Variants in HFM1 observed in about 807,000 individuals in gnomAD.
The protein encoded by HFM1 is probable ATP-dependent DNA helicase HFM1.
Under a neutral mutation model 192.1 loss-of-function variants are expected in HFM1, and 169 were observed. The ratio of observed to expected loss-of-function variants is 0.88; its 90% confidence interval spans 0.78 to 1.00. The LOEUF (loss-of-function observed/expected upper bound fraction) is 1.00, where lower values mean the gene tolerates loss of function less well. Ranked by LOEUF, HFM1 falls within the 50% of genes least tolerant of loss-of-function variation. The pLI, the probability that HFM1 is intolerant of heterozygous loss-of-function variation, is 0.00. For synonymous variants in HFM1, 525 were observed against 537.8 expected (o/e 0.98, Z 0.33); for missense variants, 1,661 against 1,668.0 (o/e 1.00, Z 0.07).
At chr1:91,407,359 A>C (rs1364710953), upstream of HFM1, among the ~76,000 whole-genome samples, 1 of 152,180 alleles carries the variant, frequency 6.6e-6, no homozygotes, top group Non-Finnish European at 1.5e-5. Flanking sequence ...AGTATAAGAA[A>C]AAAAAAAAGA....
At chr1:91,367,387 G>A (rs538102034) in intron 13 of HFM1, among the ~76,000 whole-genome samples, 1 of 152,256 alleles carries the variant, frequency 6.6e-6, no homozygotes, top group Admixed American at 6.5e-5. Context: ...ACACAGCTGG[G>A]TACTCCTCTG....
chr1:91,298,907 C>A (rs1648169878), intron 30 of HFM1, among the ~76,000 whole-genome samples: 1 of 152,174 alleles, frequency 6.6e-6, no homozygotes, highest in South Asian at 2.1e-4. Context: ...CAGCTAACAT[C>A]ATAATGACAG....
chr1:91,322,530 C>G (rs1489833337), intron 23 of HFM1, among the ~76,000 whole-genome samples: 1 of 152,130 alleles, frequency 6.6e-6, no homozygotes, highest in Non-Finnish European at 1.5e-5. Flanking sequence ...TTTGGCAGAA[C>G]AGTCATCCAC....
At chr1:91,292,467 A>G (rs1481585927) in intron 30 of HFM1, among the ~76,000 whole-genome samples, 28 of 149,804 alleles carry the variant, frequency 1.9e-4, no homozygotes, top group Non-Finnish European at 4.0e-4. Flanking sequence ...TTCAAAGAGA[A>G]TAAAATACCT....
intron 13 of HFM1, among the ~76,000 whole-genome samples, chr1:91,367,087 A>C (rs1659436051): frequency 2.0e-5 from 3 of 152,202 alleles, no homozygotes; most frequent in African/African-American, 7.2e-5. Flanking sequence ...CCGAGGCTTG[A>C]GTAGGTAAAC....
intron 30 of HFM1, among the ~76,000 whole-genome samples, chr1:91,297,739 T>C (rs1570844431): frequency 6.6e-6 from 1 of 152,184 alleles, no homozygotes; most frequent in Non-Finnish European, 1.5e-5. Flanking sequence ...TCCTGACTGT[T>C]AGAAGGAAAA....
chr1:91,291,119 C>A (rs1668693638), intron 30 of HFM1, among the ~76,000 whole-genome samples: 1 of 152,088 alleles, frequency 6.6e-6, no homozygotes, highest in African/African-American at 2.4e-5. Flanking sequence ...AAAATTGACA[C>A]CCTAACATCA....
chr1:91,382,563 T>C (rs796279730), intron 6 of HFM1, among the ~76,000 whole-genome samples: 4 of 152,348 alleles, frequency 2.6e-5, no homozygotes, highest in Admixed American at 6.5e-5. Flanking sequence ...CAAAGTGTCA[T>C]ATCTGTGCCA....
At chr1:91,370,816 A>C (rs920386653) in intron 13 of HFM1, among the ~76,000 whole-genome samples, 11 of 151,794 alleles carry the variant, frequency 7.2e-5, no homozygotes, top group Admixed American at 3.9e-4. Context: ...TGTTTGCAGA[A>C]GACATGATTG....
At chr1:91,378,227 A>G in intron 10 of HFM1, 44 bp from the exon 11 acceptor site, 2 of 1,400,662 alleles carry the variant, frequency 1.4e-6, no homozygotes, top group Admixed American at 4.4e-5. Flanking sequence ...TAGAATTAAA[A>G]ATACATTTAA....
At chr1:91,308,620 C>T (rs1050122254) in intron 30 of HFM1, among the ~76,000 whole-genome samples, 15 of 152,212 alleles carry the variant, frequency 9.9e-5, no homozygotes, top group African/African-American at 3.6e-4. Context: ...GCACTACAGC[C>T]TCAAACTCCT....
At chr1:91,401,214 A>C in intron 1 of HFM1, 105 bp from the exon 2 acceptor site, 1 of 588,076 alleles carries the variant, frequency 1.7e-6, no homozygotes, top group Middle Eastern at 4.6e-4. Flanking sequence ...ATATAACCAC[A>C]GACTATCCTT....
chr1:91,266,187 C>T, intron 35 of HFM1, 80 bp from the exon 36 acceptor site: 1 of 1,050,612 alleles, frequency 9.5e-7, no homozygotes, highest in Non-Finnish European at 1.4e-6. Flanking sequence ...ACAACGTTCT[C>T]TCCAACAGAT....
intron 36 of HFM1, 83 bp downstream of exon 36, chr1:91,265,934 C>G: frequency 6.5e-7 from 1 of 1,542,438 alleles, no homozygotes; most frequent in Non-Finnish European, 8.7e-7. Flanking sequence ...TCTGTGACAT[C>G]TAATAACTTG....
intron 30 of HFM1, among the ~76,000 whole-genome samples, chr1:91,302,353 A>G (rs899906964): frequency 6.6e-6 from 1 of 151,998 alleles, no homozygotes; most frequent in African/African-American, 2.4e-5. Context: ...AACTAGTTCA[A>G]CCATTGTGGA....
At position 91,348,890 on chromosome 1, in the gene HFM1, C is replaced by T. The variant is rs1656531808; in HGVS notation, c.2207-1414G>A. On this transcript the variant is annotated intron_variant, in intron 18 of 38. Transcript: ENST00000370425. ...AGTAAGCTGTGATCACACCATTGGA[C>T]TTCAGCCTGGGCAACAGAGTGACAG... Among the ~76,000 whole-genome samples, 4 of 152,102 alleles carry T rather than the reference C, an allele frequency of 2.6e-5. No individual in the cohort carries two copies. The South Asian group carries it at 8.3e-4, about 32-fold the overall frequency.
chr1:91,261,133 G>A lies in HFM1; in HGVS notation c.*157C>T, dbSNP rs41286775. The A allele has an allele frequency of 1.6e-4, 63 of 386,606 alleles. No homozygotes were observed. Among genetic ancestry groups the A allele is most frequent in the African/African-American group, 1.1e-3 (51 of 47,888 alleles). 23.9% of individuals were successfully genotyped at this position (386,606 alleles called of 1,614,324 possible). On this transcript the variant is annotated 3_prime_UTR_variant, in exon 39 of 39. Coordinates refer to ENST00000370425, the MANE Select transcript of HFM1 (RefSeq NM_001017975.6). Reference sequence around the variant, plus strand: ...TTACAATATAATGGGAAAATAAATCGGCCCATACATTTTGTTGCAAAAAGT... The same window carrying A: ...TTACAATATAATGGGAAAATAAATCAGCCCATACATTTTGTTGCAAAAAGT...
At chr1:91,263,292 C>T (rs377507389) in intron 36 of HFM1, among the ~76,000 whole-genome samples, 1 of 152,138 alleles carries the variant, frequency 6.6e-6, no homozygotes, top group African/African-American at 2.4e-5. Flanking sequence ...TTTAAGTTGA[C>T]ACCTGAAGGC....
In HFM1 at chr1:91,313,983, C is replaced by T; in HGVS notation, c.3218G>A (p.Ser1073Asn). The T allele has an allele frequency of 6.2e-7, 1 of 1,603,024 alleles. No homozygotes were observed. The highest frequency in any genetic ancestry group is 8.5e-7 in the Non-Finnish European group (1 of 1,171,612). ...VKRALKSEDLSINLISSEFVG... is the reference protein window; with the variant it reads ...VKRALKSEDLNINLISSEFVG... ...AAATTCAGAACTTATTAGATTTATG[C>T]TAAGATCTTCAGATTTAAGAGCTCT... The change falls in exon 29 of 39, where the codon AGC (serine) becomes AAC (asparagine). Residue 1073 changes from serine to asparagine, a missense_variant. Ser to Asn is a conservative substitution (Grantham distance 46). Transcript: ENST00000370425.
Sources: allele counts gnomAD v4.1 joint callset (sites outside exome capture counted in the v4.1 genomes callset), GRCh38; gene constraint gnomAD v4.1.1; transcripts MANE v1.5; gene names NCBI Gene and HGNC (gene_info 2026-07-23, HGNC 2026-07-21).